SEM1: variants seen among roughly 807,000 people sequenced by gnomAD.
The protein encoded by SEM1 is 26S proteasome complex subunit SEM1.
In SEM1, 3 loss-of-function variants were observed where a neutral mutation model predicts 12.7. The observed-to-expected ratio is 0.24, with a 90% confidence interval of 0.11 to 0.61. The LOEUF is 0.61. Among genes scored for constraint, SEM1 ranks in the 20% least tolerant of loss-of-function variants. The probability of loss-of-function intolerance (pLI) is 0.88; values close to 1 mark genes in which losing one functional copy is unlikely to be tolerated. For missense variants in SEM1, 59 were observed against 81.3 expected (o/e 0.73, Z 1.06); for synonymous variants, 30 against 27.8 (o/e 1.08, Z -0.25).
At chr7:96,532,544 G>A (rs565766784) in intron 2 of SEM1, among the ~76,000 whole-genome samples, 6 of 152,078 alleles carry the variant, frequency 3.9e-5, no homozygotes, top group Non-Finnish European at 8.8e-5. Context: ...ATTTAAAAAT[G>A]GTGCATGTTC....
chr7:96,670,158 A>G (rs1789276420), downstream of SEM1, among the ~76,000 whole-genome samples: 1 of 152,240 alleles, frequency 6.6e-6, no homozygotes, highest in South Asian at 2.1e-4. Context: ...AATAAAATCT[A>G]CAATTTTATT....
chr7:96,556,743 G>T (rs1443975147), intron 2 of SEM1, among the ~76,000 whole-genome samples: 1 of 133,600 alleles, frequency 7.5e-6, no homozygotes, highest in Non-Finnish European at 1.6e-5. Context: ...GGCCTGCCTT[G>T]CTAGATTGGG....
At chr7:96,543,869 A>G (rs534034727) in intron 2 of SEM1, among the ~76,000 whole-genome samples, 1 of 152,178 alleles carries the variant, frequency 6.6e-6, no homozygotes, top group South Asian at 2.1e-4. Context: ...ATAACCCTTC[A>G]TTTAGCTAAG....
At chr7:96,609,737 T>C (rs1807486058) in intron 2 of SEM1, among the ~76,000 whole-genome samples, 1 of 152,144 alleles carries the variant, frequency 6.6e-6, no homozygotes, top group South Asian at 2.1e-4. Flanking sequence ...CAAAGCCTTA[T>C]AAATAAATCA....
In SEM1 at chr7:96,501,698, A is replaced by C. The variant is rs557913568; in HGVS notation, c.*60+4925T>G. ...ATTATCATTATTATGTGTGCAAAAC[A>C]TACTAAGTGCTTTATGTGAATTATT... On this transcript the variant is annotated intron_variant and NMD_transcript_variant, in intron 3 of 3. Coordinates refer to the SEM1 transcript ENST00000466986. 3.3e-5 allele frequency among the ~76,000 whole-genome samples: 5 copies of C among 152,298 alleles called. No homozygotes were observed. The East Asian group carries it at 9.7e-4, about 29-fold the overall frequency.
intron 2 of SEM1, among the ~76,000 whole-genome samples, chr7:96,538,392 G>A (rs1459006764): frequency 6.6e-6 from 1 of 151,744 alleles, no homozygotes; most frequent in Non-Finnish European, 1.5e-5. Context: ...TAGACATATT[G>A]TGTTGGGTAA....
chr7:96,568,951 G>T (rs1344030272), intron 2 of SEM1, among the ~76,000 whole-genome samples: 1 of 151,862 alleles, frequency 6.6e-6, no homozygotes, highest in African/African-American at 2.4e-5. Context: ...CATATTGTAA[G>T]TAATTACAGT....
intron 2 of SEM1, among the ~76,000 whole-genome samples, chr7:96,591,567 C>T (rs963823337): frequency 6.6e-6 from 1 of 152,182 alleles, no homozygotes. Flanking sequence ...CACATGCACT[C>T]CATATAAAAC....
chr7:96,652,668 C>T (rs1809038412), intron 2 of SEM1, among the ~76,000 whole-genome samples: 1 of 152,040 alleles, frequency 6.6e-6, no homozygotes, highest in East Asian at 1.9e-4. Context: ...TTTAGGAAAA[C>T]TTTCTTTTTC....
intron 2 of SEM1, among the ~76,000 whole-genome samples, chr7:96,679,598 AT>A (rs1329085983): frequency 6.6e-6 from 1 of 152,114 alleles, no homozygotes; most frequent in African/African-American, 2.4e-5. Flanking sequence ...ATAGGCAGCA[AT>A]AAAAAAGTAT....
intron 2 of SEM1, among the ~76,000 whole-genome samples, chr7:96,594,158 A>C (rs1235718069): frequency 1.3e-5 from 2 of 152,176 alleles, no homozygotes; most frequent in African/African-American, 4.8e-5. Flanking sequence ...GTCAGCCCCC[A>C]AAAATGTGCT....
At chr7:96,567,954 TCA>T (rs565620658) in intron 2 of SEM1, among the ~76,000 whole-genome samples, 20 of 149,696 alleles carry the variant, frequency 1.3e-4, no homozygotes, top group Admixed American at 5.3e-4. Context: ...ACACACACAC[TCA>T]CACACACACA....
intron 1 of SEM1, among the ~76,000 whole-genome samples, chr7:96,699,573 C>T (rs939988872): frequency 1.3e-5 from 2 of 152,216 alleles, no homozygotes; most frequent in African/African-American, 2.4e-5. Flanking sequence ...TAAGCAAATA[C>T]AATATACATA....
intron 2 of SEM1, among the ~76,000 whole-genome samples, chr7:96,641,133 T>G (rs10225229): frequency 0.023 from 3,479 of 151,108 alleles, 138 homozygotes; most frequent in African/African-American, 0.081. Flanking sequence ...TCCTTAAAAA[T>G]AGGGAGCCGA....
intron 2 of SEM1, among the ~76,000 whole-genome samples, chr7:96,571,688 C>T (rs1806035169): frequency 6.6e-6 from 1 of 151,760 alleles, no homozygotes; most frequent in South Asian, 2.1e-4. Flanking sequence ...CTGCTGGATT[C>T]GGTTTGCCAA....
At chr7:96,690,626 G>A (rs778746311) in intron 2 of SEM1, among the ~76,000 whole-genome samples, 12 of 152,088 alleles carry the variant, frequency 7.9e-5, no homozygotes, top group Non-Finnish European at 1.3e-4. Flanking sequence ...TATCTGAAAC[G>A]AAAACAGCAG....
intron 2 of SEM1, among the ~76,000 whole-genome samples, chr7:96,590,972 C>G (rs745517603): frequency 1.1e-4 from 17 of 152,094 alleles, no homozygotes; most frequent in Non-Finnish European, 2.1e-4. Flanking sequence ...ATGAAACTAT[C>G]TAAAGTAAAC....
rs1584829799 is a variant in SEM1, at chr7:96,645,559, A to T, written c.171-22916T>A. The T allele has an allele frequency of 6.9e-5, 27 of 392,080 alleles. No individual in the cohort carries two copies. In the East Asian group the frequency reaches 9.7e-4, roughly 14 times the overall value. 24.3% of individuals were successfully genotyped at this position (392,080 alleles called of 1,614,324 possible). A position where few individuals can be genotyped will look rare whatever the true frequency, so the allele number is the denominator to read the frequency against. On this transcript the variant is annotated intron_variant, in intron 2 of 2. Transcript: ENST00000417009. Reference sequence around the variant, plus strand: ...AAGAGGACAGCTTATATAAAGCATGAAAGAGAGACCGGAGCATGCTCAAAG... The same window carrying T: ...AAGAGGACAGCTTATATAAAGCATGTAAGAGAGACCGGAGCATGCTCAAAG...
At chr7:96,486,651 C>T (rs1802782976) in intron 1 of SEM1, among the ~76,000 whole-genome samples, 1 of 152,144 alleles carries the variant, frequency 6.6e-6, no homozygotes, top group Non-Finnish European at 1.5e-5. Context: ...CCCTGGTTAC[C>T]AGCTACCCAG....
Sources: allele counts gnomAD v4.1 joint callset (sites outside exome capture counted in the v4.1 genomes callset), GRCh38; gene constraint gnomAD v4.1.1; transcripts MANE v1.5; gene names NCBI Gene and HGNC (gene_info 2026-07-23, HGNC 2026-07-21).